Variants in TSGA10 observed in about 807,000 individuals in gnomAD.
TSGA10 encodes the protein testis specific 10, also known as testis-specific gene 10 protein.
In TSGA10, 43 loss-of-function variants were observed where a neutral mutation model predicts 96.6. The observed-to-expected ratio is 0.44, with a 90% confidence interval of 0.35 to 0.57. TSGA10 has a LOEUF of 0.57. Ranked by LOEUF, TSGA10 falls within the 20% of genes least tolerant of loss-of-function variation. The pLI, the probability that TSGA10 is intolerant of heterozygous loss-of-function variation, is 0.01. For synonymous variants in TSGA10, 229 were observed against 269.9 expected (o/e 0.85, Z 1.48); for missense variants, 703 against 834.4 (o/e 0.84, Z 1.94).
intron 7 of TSGA10, among the ~76,000 whole-genome samples, chr2:99,106,635 C>T (rs1479106735): frequency 7.0e-6 from 1 of 142,062 alleles, no homozygotes; most frequent in African/African-American, 2.5e-5. Context: ...AACCTGGCTC[C>T]CACCCTCCCA....
At chr2:99,125,338 T>C (rs1400226381) in intron 2 of TSGA10, 1 of 152,226 alleles carries the variant, frequency 6.6e-6, no homozygotes, top group Non-Finnish European at 1.5e-5. Flanking sequence ...TAAACATTCA[T>C]AGGCTGATTT....
chr2:99,017,853 T>C (rs2079658249), intron 20 of TSGA10, among the ~76,000 whole-genome samples: 1 of 151,124 alleles, frequency 6.6e-6, no homozygotes, highest in Admixed American at 6.6e-5. Context: ...GAGTACACAA[T>C]GGGTACAGTG....
Position 99,132,898 on chromosome 2 carries a change from G to A in TSGA10, c.-620-5722C>T, listed in dbSNP as rs967526916. Among the ~76,000 whole-genome samples the A allele has an allele frequency of 4.6e-5, 7 of 152,052 alleles. No homozygotes were observed. The South Asian group carries it at 8.3e-4, about 18-fold the overall frequency. On this transcript the variant is annotated intron_variant, in intron 1 of 20. Transcript: ENST00000393483. ...TCAGGAGCAGTTTCTATACAGTTGCGTGATTTTGAGTGAGTTTCTTAATCC... is the reference window on the plus strand; with the variant it reads ...TCAGGAGCAGTTTCTATACAGTTGCATGATTTTGAGTGAGTTTCTTAATCC...
chr2:99,132,734 T>C (rs1225505479), intron 1 of TSGA10, among the ~76,000 whole-genome samples: 4 of 152,238 alleles, frequency 2.6e-5, no homozygotes, highest in Non-Finnish European at 4.4e-5. Context: ...TGCTGTCTCC[T>C]GTGGGCATTC....
At chr2:99,141,196 A>C in intron 1 of TSGA10, 1 of 1,173,792 alleles carries the variant, frequency 8.5e-7, no homozygotes, top group Non-Finnish European at 1.1e-6. Context: ...CCCACTCTCC[A>C]TCCTCCGCCC....
At chr2:99,090,343 T>C (rs1022905101) in intron 10 of TSGA10, among the ~76,000 whole-genome samples, 1 of 152,100 alleles carries the variant, frequency 6.6e-6, no homozygotes, top group African/African-American at 2.4e-5. Context: ...TCTGGTAATA[T>C]GACAAAACAA....
intron 15 of TSGA10, among the ~76,000 whole-genome samples, chr2:99,065,389 C>T (rs577037632): frequency 2.0e-5 from 3 of 152,252 alleles, no homozygotes; most frequent in Admixed American, 2.0e-4. Context: ...TTCTTCAAGA[C>T]CTGAATGAAT....
chr2:99,093,539 G>A (rs994771585), intron 10 of TSGA10, among the ~76,000 whole-genome samples: 2 of 102,364 alleles, frequency 2.0e-5, no homozygotes, highest in Middle Eastern at 6.3e-3. Flanking sequence ...ACTGATAAAT[G>A]AATTCAGAAA....
chr2:99,113,162 T>TG (rs2091960830), intron 4 of TSGA10, among the ~76,000 whole-genome samples: 1 of 152,046 alleles, frequency 6.6e-6, no homozygotes, highest in African/African-American at 2.4e-5. Flanking sequence ...GGCATATAGT[T>TG]GAGGTGGTTT....
intron 1 of TSGA10, chr2:99,140,980 G>C (rs1302075207): frequency 2.3e-5 from 20 of 862,078 alleles, no homozygotes; most frequent in Non-Finnish European, 3.0e-5. Context: ...CGCCCGCCAC[G>C]GCCCCGCACC....
At chr2:99,146,080 C>T (rs74945539) in intron 1 of TSGA10, among the ~76,000 whole-genome samples, 9,145 of 152,210 alleles carry the variant, frequency 0.06, 533 homozygotes, top group East Asian at 0.21. Flanking sequence ...GTCAGGAATT[C>T]GAGACCAGCC....
chr2:99,017,743 C>A (rs1043338171), intron 20 of TSGA10, among the ~76,000 whole-genome samples: 3 of 141,722 alleles, frequency 2.1e-5, no homozygotes, highest in African/African-American at 8.0e-5. Flanking sequence ...CCAGCCTGGA[C>A]GACAGAGAGA....
chr2:99,078,951 CCCAA>C, intron 11 of TSGA10, 138 bp from the exon 12 acceptor site: 1 of 731,100 alleles, frequency 1.4e-6, no homozygotes. Context: ...AGTACTATAT[CCCAA>C]ATTAAAAAAA....
chr2:99,122,615 C>CAAAA (rs148224475), intron 2 of TSGA10, among the ~76,000 whole-genome samples: 3 of 53,266 alleles, frequency 5.6e-5, no homozygotes, highest in Non-Finnish European at 7.5e-5. Flanking sequence ...CCATCTCTAC[C>CAAAA]AAAAAAAAAA....
chr2:99,011,118 G>A (rs932219399), intron 20 of TSGA10, among the ~76,000 whole-genome samples: 3 of 152,122 alleles, frequency 2.0e-5, no homozygotes, highest in Admixed American at 6.5e-5. Context: ...GACCTAAAGT[G>A]ATGCATCACT....
At chr2:99,150,563 G>T (rs371114355) in intron 1 of TSGA10, 7 of 1,612,858 alleles carry the variant, frequency 4.3e-6, no homozygotes, top group East Asian at 2.2e-5. Context: ...ATCCTAATGG[G>T]ATTTTCACTT....
chr2:99,068,506 T>G (rs755853442), intron 15 of TSGA10, among the ~76,000 whole-genome samples: 1 of 152,108 alleles, frequency 6.6e-6, no homozygotes, highest in Non-Finnish European at 1.5e-5. Flanking sequence ...CTAAAAAAAA[T>G]AGATGGTCCC....
At chr2:99,013,853 T>C (rs2079237722) in intron 20 of TSGA10, among the ~76,000 whole-genome samples, 1 of 151,756 alleles carries the variant, frequency 6.6e-6, no homozygotes. Flanking sequence ...CTGTCTCTAC[T>C]AAAAATACAA....
chr2:99,005,062 G>T (rs1406504114), intron 20 of TSGA10, among the ~76,000 whole-genome samples: 13 of 152,026 alleles, frequency 8.6e-5, no homozygotes, highest in Admixed American at 1.3e-4. Flanking sequence ...TCTCAATAGA[G>T]GCAGAAAAGG....
Sources: allele counts gnomAD v4.1 joint callset (sites outside exome capture counted in the v4.1 genomes callset), GRCh38; gene constraint gnomAD v4.1.1; transcripts MANE v1.5; gene names NCBI Gene and HGNC (gene_info 2026-07-23, HGNC 2026-07-21).